MS4A12: variants seen among roughly 807,000 people sequenced by gnomAD.
MS4A12 encodes membrane-spanning 4-domains subfamily A member 12.
MS4A12 carries 28 observed loss-of-function variants against 23.7 expected under a neutral mutation model. The observed-to-expected ratio is 1.18, with a 90% CI of 0.88 to 1.62. The LOEUF (loss-of-function observed/expected upper bound fraction) is 1.62. MS4A12 is among the 40% of genes most tolerant of loss of function. The pLI, the probability that MS4A12 is intolerant of heterozygous loss-of-function variation, is 0.00. For synonymous variants in MS4A12, 108 were observed against 110.1 expected (o/e 0.98, Z 0.12); for missense variants, 342 against 327.0 (o/e 1.05, Z -0.35).
At position 60,501,978 on chromosome 11, in the gene MS4A12, C is replaced by T; in HGVS notation, c.415-5C>T. The T allele has an allele frequency of 6.2e-6, 10 of 1,610,572 alleles. No individual in the cohort carries two copies. The highest frequency in any genetic ancestry group is 8.5e-6 in the Non-Finnish European group (10 of 1,177,356). On this transcript the variant is annotated splice_polypyrimidine_tract_variant and splice_region_variant and intron_variant, in intron 3 of 6. Transcript: ENST00000016913. ...TTTCACAAATAAATTTGTCCATTTC[C>T]ACAGTTTATTATCTCTGGCTCTCTC...
chr11:60,507,125 T>C lies in MS4A12; in HGVS notation c.*1T>C. 1 of 1,601,226 alleles carries C rather than the reference T, an allele frequency of 6.2e-7. No individual in the cohort carries two copies. Among genetic ancestry groups the C allele is most frequent in the Non-Finnish European group, 8.5e-7 (1 of 1,170,446 alleles). ...CTACTCAGCTAATGCCCCTAAATAG[T>C]AAAAGAAAAAGGGGTATCAGTCTAA... On this transcript the variant is annotated 3_prime_UTR_variant, in exon 7 of 7. Transcript: ENST00000016913.
Position 60,497,523 on chromosome 11 carries a change from A to C in MS4A12, c.205A>C (p.Asn69His). The stretch of plus-strand genomic sequence containing the variant: ...TGCTAGCAGTCAACCGGGTCAAGGA[A>C]ATATACAAATGATAAATCCAAGTGT... ...IFASSQPGQG[N>H]IQMINPSVGT... The change falls in exon 2 of 7, where the codon AAT (asparagine) becomes CAT (histidine). Residue 69 changes from asparagine to histidine, a missense_variant. Physicochemically the swap from Asn to His is moderately conservative, Grantham distance 68. Transcript: ENST00000016913. 8 of 1,614,128 alleles carry C rather than the reference A, an allele frequency of 5.0e-6. No individual in the cohort carries two copies. The highest frequency in any genetic ancestry group is 6.8e-6 in the Non-Finnish European group (8 of 1,179,952).
Position 60,507,413 on chromosome 11 carries a change from A to G in MS4A12, c.*289A>G, listed in dbSNP as rs2086579427. On this transcript the variant is annotated 3_prime_UTR_variant, in exon 7 of 7. Coordinates refer to ENST00000016913, the MANE Select transcript of MS4A12 (RefSeq NM_017716.3). ...TTCATATTACTTTTTCCTTAATAAA[A>G]TGTCATTAGAAACAAAAGCCTTTTT... 3.1e-6 allele frequency: 1 copy of G among 326,654 alleles called. No homozygotes were observed. The highest frequency in any genetic ancestry group is 5.7e-5 in the East Asian group (1 of 17,486). The allele number at this position is 326,654 out of a possible 1,614,324, so 20.2% of individuals were successfully genotyped here. A position where few individuals can be genotyped will look rare whatever the true frequency, so the allele number is the denominator to read the frequency against.
rs2086533814 is a variant in MS4A12 at position 60,501,996 on chromosome 11, G to GCT, written c.437_438dup (p.Val147LeufsTer13). On this transcript the variant is annotated frameshift_variant, in exon 4 of 7. Coordinates refer to ENST00000016913, the MANE Select transcript of MS4A12 (RefSeq NM_017716.3). LOFTEE classifies it high-confidence loss of function. ...CCATTTCCACAGTTTATTATCTCTGGCTCTCTCTCTGTGTCAGCATCCAAG... is the reference window on the plus strand; with the variant it reads ...CCATTTCCACAGTTTATTATCTCTGGCTCTCTCTCTCTGTGTCAGCATCCAAG... 6.2e-7 allele frequency: 1 copy of GCT among 1,612,690 alleles called. No individual in the cohort carries two copies. The highest frequency in any genetic ancestry group is 1.3e-5 in the African/African-American group (1 of 74,954).
chr11:60,504,931 C>T (rs1052872479), intron 5 of MS4A12, among the ~76,000 whole-genome samples: 2 of 152,154 alleles, frequency 1.3e-5, no homozygotes, highest in Non-Finnish European at 2.9e-5. Context: ...ACTCTTTTTC[C>T]ACCAAGCTCT....
At chr11:60,504,873 C>G (rs1403309824) in intron 5 of MS4A12, among the ~76,000 whole-genome samples, 1 of 152,104 alleles carries the variant, frequency 6.6e-6, no homozygotes. Context: ...AGATGCGTGT[C>G]CCCTAGAGTA....
chr11:60,500,031 A>C lies in MS4A12; in HGVS notation c.277-1014A>C, dbSNP rs1240495102. Among the ~76,000 whole-genome samples the C allele has an allele frequency of 7.7e-5, 11 of 142,440 alleles. No homozygotes were observed. In the Admixed American group the frequency reaches 8.1e-4, roughly 11 times the overall value. 93.4% of individuals were successfully genotyped at this position (142,440 alleles called of 152,430 possible). A position where few individuals can be genotyped will look rare whatever the true frequency, so the allele number is the denominator to read the frequency against. On this transcript the variant is annotated intron_variant, in intron 2 of 6. Coordinates refer to ENST00000016913, the MANE Select transcript of MS4A12 (RefSeq NM_017716.3). ...AAGGCGGGCAGATCAAGAGGTCAGA[A>C]GATCCAGACCTTCCTGGCTAACCCG... is the stretch of plus-strand genomic sequence containing the variant.
chr11:60,493,236 C>T (rs545047747), intron 1 of MS4A12, among the ~76,000 whole-genome samples: 222 of 151,976 alleles, frequency 1.5e-3, no homozygotes, highest in African/African-American at 4.9e-3. Context: ...ATTAGCTGGG[C>T]GTAGTGGCAG....
intron 5 of MS4A12, among the ~76,000 whole-genome samples, chr11:60,506,476 A>G (rs61299622): frequency 0.012 from 1,869 of 152,270 alleles, 41 homozygotes; most frequent in African/African-American, 0.043. Flanking sequence ...ATCACAAAGG[A>G]AAAAAACTAC....
At chr11:60,502,866 C>T (rs1399989202) in intron 4 of MS4A12, among the ~76,000 whole-genome samples, 1 of 152,144 alleles carries the variant, frequency 6.6e-6, no homozygotes, top group African/African-American at 2.4e-5. Flanking sequence ...ATAAAGCACC[C>T]TTTCTCTGCA....
intron 3 of MS4A12, 63 bp from the exon 4 acceptor site, chr11:60,501,920 A>G: frequency 6.9e-7 from 1 of 1,449,790 alleles, no homozygotes; most frequent in Non-Finnish European, 9.6e-7. Context: ...CTTTCATATA[A>G]AGAGAAATTC....
chr11:60,500,570 A>C (rs1224414374), intron 2 of MS4A12, among the ~76,000 whole-genome samples: 2 of 152,216 alleles, frequency 1.3e-5, no homozygotes, highest in African/African-American at 4.8e-5. Flanking sequence ...TGAAACAATA[A>C]ATGTAAAGTG....
intron 4 of MS4A12, among the ~76,000 whole-genome samples, chr11:60,502,810 T>G (rs1432267757): frequency 1.3e-5 from 2 of 152,144 alleles, no homozygotes; most frequent in Non-Finnish European, 2.9e-5. Context: ...TAAAATAAAA[T>G]AAGCCTAATT....
intron 5 of MS4A12, among the ~76,000 whole-genome samples, chr11:60,506,475 G>GA (rs1290787716): frequency 6.6e-6 from 1 of 151,754 alleles, no homozygotes; most frequent in Non-Finnish European, 1.5e-5. Flanking sequence ...CATCACAAAG[G>GA]AAAAAAACTA....
At chr11:60,500,635 C>A (rs1436692869) in intron 2 of MS4A12, among the ~76,000 whole-genome samples, 2 of 152,202 alleles carry the variant, frequency 1.3e-5, no homozygotes, top group Non-Finnish European at 2.9e-5. Flanking sequence ...TTATCTTCAC[C>A]AATTCCTTTA....
intron 1 of MS4A12, among the ~76,000 whole-genome samples, chr11:60,495,775 C>T (rs2086483514): frequency 6.6e-6 from 1 of 152,178 alleles, no homozygotes; most frequent in Admixed American, 6.5e-5. Flanking sequence ...GCTCTCTATA[C>T]ACCTCACCTA....
intron 1 of MS4A12, 100 bp downstream of exon 1, chr11:60,492,928 G>A (rs1469736034): frequency 6.6e-6 from 1 of 152,146 alleles, no homozygotes; most frequent in African/African-American, 2.4e-5. Context: ...AGATTGGAGG[G>A]ATGAAGACAA....
chr11:60,501,878 GA>G, intron 3 of MS4A12, 104 bp from the exon 4 acceptor site: 1 of 1,039,716 alleles, frequency 9.6e-7, no homozygotes, highest in Non-Finnish European at 1.4e-6. Context: ...AAAATTTTGA[GA>G]AGGAAACTAG....
chr11:60,494,276 T>G (rs551208179), intron 1 of MS4A12, among the ~76,000 whole-genome samples: 6 of 152,324 alleles, frequency 3.9e-5, no homozygotes, highest in African/African-American at 1.4e-4. Context: ...TTACAGATCT[T>G]AGTCCAGAAA....
Sources: gnomAD v4.1 joint callset for allele counts (sites outside exome capture counted in the v4.1 genomes callset) on GRCh38, gnomAD v4.1.1 for gene constraint, MANE v1.5 for transcripts, NCBI Gene and HGNC (gene_info 2026-07-23, HGNC 2026-07-21) for gene names.